MS4A4A: variants seen among roughly 807,000 people sequenced by gnomAD.
The protein encoded by MS4A4A is membrane spanning 4-domains A4A.
In MS4A4A, 26 loss-of-function variants were observed where a neutral mutation model predicts 28.0. The ratio of observed to expected loss-of-function variants is 0.93; its 90% CI spans 0.68 to 1.29. MS4A4A has a LOEUF of 1.29. Among genes scored for constraint, MS4A4A ranks in the 50% most tolerant of loss-of-function variants. The pLI, the probability that MS4A4A is intolerant of heterozygous loss-of-function variation, is 0.00. For missense variants in MS4A4A, 290 were observed against 293.1 expected, an observed-to-expected ratio of 0.99 and a Z score of 0.08; for synonymous variants, 86 against 100.8, an observed-to-expected ratio of 0.85 and a Z score of 0.88.
intron 1 of MS4A4A, among the ~76,000 whole-genome samples, chr11:60,286,304 G>A (rs569900098): frequency 2.2e-4 from 34 of 152,238 alleles, no homozygotes; most frequent in African/African-American, 7.7e-4. Context: ...GTGAGGCAAC[G>A]TACATCTTCA....
intron 5 of MS4A4A, chr11:60,305,882 T>G: frequency 1.8e-6 from 1 of 543,074 alleles, no homozygotes; most frequent in Non-Finnish European, 3.3e-6. Context: ...TGGGAGGTGC[T>G]GAACTAGGGA....
intron 4 of MS4A4A, 75 bp from the exon 5 acceptor site, chr11:60,302,484 T>A: frequency 7.3e-7 from 1 of 1,378,676 alleles, no homozygotes; most frequent in Non-Finnish European, 1.0e-6. Context: ...AAAGAGATGG[T>A]GGGTGTAAAG....
intron 1 of MS4A4A, chr11:60,282,885 G>A (rs907112403): frequency 1.8e-6 from 1 of 542,280 alleles, no homozygotes; most frequent in South Asian, 2.2e-5. Flanking sequence ...TGATCATTCT[G>A]GCTACAACAT....
intron 1 of MS4A4A, among the ~76,000 whole-genome samples, chr11:60,285,640 G>T (rs1462675528): frequency 6.6e-6 from 1 of 152,156 alleles, no homozygotes; most frequent in African/African-American, 2.4e-5. Context: ...CATATCAGCA[G>T]GCACCGTGAT....
chr11:60,301,970 G>C (rs1172090732), intron 4 of MS4A4A, among the ~76,000 whole-genome samples: 1 of 152,108 alleles, frequency 6.6e-6, no homozygotes, highest in Non-Finnish European at 1.5e-5. Context: ...AGTAGAGATA[G>C]GGTTTCTCCA....
At position 60,306,188 on chromosome 11, in the gene MS4A4A, G is replaced by T. The variant is rs540491858; in HGVS notation, c.635G>T (p.Cys212Phe). 4 of 1,613,236 alleles carry T rather than the reference G, an allele frequency of 2.5e-6. No individual in the cohort carries two copies. Among genetic ancestry groups the T allele is most frequent in the Non-Finnish European group, 3.4e-6 (4 of 1,179,296 alleles). Reference sequence around the variant, plus strand: ...GCCTTTGGATGTAAAGTGCTCTGTTGTACCCCTGGTGGGGTGAGTATTGGC... The same window carrying T: ...GCCTTTGGATGTAAAGTGCTCTGTTTTACCCCTGGTGGGGTGAGTATTGGC... ...LSAFGCKVLC[C>F]TPGGVVLILP... Residue 212 changes from cysteine (C) to phenylalanine (F), a missense_variant, in exon 6 of 7, where the codon TGT becomes TTT. Cys to Phe is a radical substitution (Grantham distance 205). Transcript: ENST00000337908.
intron 4 of MS4A4A, among the ~76,000 whole-genome samples, chr11:60,301,600 A>T (rs1565148340): frequency 6.6e-6 from 1 of 152,320 alleles, no homozygotes; most frequent in South Asian, 2.1e-4. Context: ...TAAAGTCCAT[A>T]TTTGAGTTTT....
At chr11:60,292,128 G>A (rs2084862375) in intron 1 of MS4A4A, 97 bp from the exon 2 acceptor site, 2 of 1,377,746 alleles carry the variant, frequency 1.5e-6, no homozygotes, top group South Asian at 3.3e-5. Flanking sequence ...AGAGAATGTA[G>A]ACCAGATTCT....
chr11:60,286,753 A>T (rs1225279193), intron 1 of MS4A4A, among the ~76,000 whole-genome samples: 4 of 152,182 alleles, frequency 2.6e-5, no homozygotes, highest in Admixed American at 6.5e-5. Flanking sequence ...TTAACTTTCA[A>T]CTATGTTTCT....
At chr11:60,295,435 A>T (rs1000978005) in intron 2 of MS4A4A, among the ~76,000 whole-genome samples, 20 of 152,152 alleles carry the variant, frequency 1.3e-4, no homozygotes, top group African/African-American at 4.8e-4. Context: ...GTCGTCTGGG[A>T]ACAAAGGCAG....
intron 5 of MS4A4A, among the ~76,000 whole-genome samples, chr11:60,304,524 T>C (rs2084980703): frequency 6.6e-6 from 1 of 152,224 alleles, no homozygotes; most frequent in Non-Finnish European, 1.5e-5. Flanking sequence ...CCATAAGGGC[T>C]TCCTGGGATT....
chr11:60,285,131 C>T (rs1472883625), intron 1 of MS4A4A, among the ~76,000 whole-genome samples: 1 of 151,902 alleles, frequency 6.6e-6, no homozygotes, highest in African/African-American at 2.4e-5. Context: ...TAACAGAAAC[C>T]CTAAGAGGGC....
chr11:60,295,192 A>G (rs1275763994), intron 2 of MS4A4A, among the ~76,000 whole-genome samples: 1 of 151,548 alleles, frequency 6.6e-6, no homozygotes, highest in Non-Finnish European at 1.5e-5. Flanking sequence ...TTTTTTTTAG[A>G]TTTATACCTA....
At chr11:60,299,972 A>G (rs1328356226) in intron 3 of MS4A4A, among the ~76,000 whole-genome samples, 1 of 152,214 alleles carries the variant, frequency 6.6e-6, no homozygotes, top group African/African-American at 2.4e-5. Flanking sequence ...TGTATTTTAT[A>G]TCATATGATG....
intron 1 of MS4A4A, among the ~76,000 whole-genome samples, chr11:60,289,353 C>T (rs912751577): frequency 6.6e-6 from 1 of 152,038 alleles, no homozygotes; most frequent in Non-Finnish European, 1.5e-5. Flanking sequence ...CTGCTGGGGT[C>T]CTCTCGCTTA....
chr11:60,302,741 G>A, intron 5 of MS4A4A, 24 bp downstream of exon 5: 1 of 1,605,542 alleles, frequency 6.2e-7, no homozygotes, highest in East Asian at 2.2e-5. Context: ...CTTTTCAGGG[G>A]ATATTATTAT....
intron 1 of MS4A4A, among the ~76,000 whole-genome samples, chr11:60,285,668 C>T (rs896427846): frequency 6.6e-6 from 1 of 152,096 alleles, no homozygotes; most frequent in Non-Finnish European, 1.5e-5. Context: ...AGCTGCAAAA[C>T]CAGCAAGTTT....
At chr11:60,287,079 C>T (rs187571961) in intron 1 of MS4A4A, among the ~76,000 whole-genome samples, 15 of 152,214 alleles carry the variant, frequency 9.9e-5, no homozygotes, top group East Asian at 1.9e-4. Flanking sequence ...CATAAAACCA[C>T]GTAGTTTTAT....
chr11:60,292,425 C>T (rs1175752194), intron 2 of MS4A4A, 41 bp downstream of exon 2: 1 of 1,531,078 alleles, frequency 6.5e-7, no homozygotes, highest in African/African-American at 1.4e-5. Flanking sequence ...GTGTTGCAAA[C>T]TCATATTTCA....
Sources: gnomAD v4.1 joint callset for allele counts (sites outside exome capture counted in the v4.1 genomes callset) on GRCh38, gnomAD v4.1.1 for gene constraint, MANE v1.5 for transcripts, NCBI Gene and HGNC (gene_info 2026-07-23, HGNC 2026-07-21) for gene names.